The following PARP14 variants were observed in gnomAD, a reference collection of about 807,000 sequenced individuals.
The protein encoded by PARP14 is protein mono-ADP-ribosyltransferase PARP14.
A neutral mutation model predicts 154.2 loss-of-function variants in PARP14; 59 were observed. The observed-to-expected ratio is 0.38, with a 90% CI of 0.31 to 0.48. The LOEUF (loss-of-function observed/expected upper bound fraction) is 0.48, where lower values mean the gene tolerates loss of function less well. Among genes scored for constraint, PARP14 ranks in the 20% least tolerant of loss-of-function variants. PARP14 has a pLI of 0.98. For synonymous variants in PARP14, 720 were observed against 780.5 expected (o/e 0.92, Z 1.29); for missense variants, 1,734 against 2,131.6 (o/e 0.81, Z 3.67).
At chr3:122,725,560 C>T (rs1020017409) in intron 15 of PARP14, among the ~76,000 whole-genome samples, 3 of 152,104 alleles carry the variant, frequency 2.0e-5, no homozygotes, top group Admixed American at 1.3e-4. Flanking sequence ...AATTATCATA[C>T]CAAAATTATT....
At position 122,730,728 on chromosome 3, in the gene PARP14, A is replaced by G. The variant is rs1410256087; in HGVS notation, c.*2131A>G. ...AACTCAGGGCAAGGCTGAATATCAG[A>G]GTGTATCGCACTGAAGAATAATAAT... On this transcript the variant is annotated 3_prime_UTR_variant, in exon 17 of 17. Coordinates refer to ENST00000474629, the MANE Select transcript of PARP14 (RefSeq NM_017554.3). The G allele has an allele frequency of 1.3e-5, 2 of 152,652 alleles. No individual in the cohort carries two copies. Among genetic ancestry groups the G allele is most frequent in the Non-Finnish European group, 2.9e-5 (2 of 68,030 alleles). 9.5% of individuals were successfully genotyped at this position (152,652 alleles called of 1,614,324 possible).
intron 1 of PARP14, among the ~76,000 whole-genome samples, chr3:122,683,625 G>A (rs1266767975): frequency 6.6e-6 from 1 of 152,150 alleles, no homozygotes; most frequent in African/African-American, 2.4e-5. Context: ...TCTAAAGTTG[G>A]TGCAGGTGGA....
In PARP14 at chr3:122,706,739, GT is replaced by G. The variant is rs11328504; in HGVS notation, c.3541-1443del. ...TCTATCTTTAGCCAAGATGTTACTT[GT>G]TTTTTTTCCAACAAAATTATCTGTT... is the stretch of plus-strand genomic sequence containing the variant. On this transcript the variant is annotated intron_variant, in intron 8 of 16. Transcript: ENST00000474629. Among the ~76,000 whole-genome samples the G allele has an allele frequency of 3.2e-3, 471 of 149,254 alleles. 2 individuals are homozygous for G. The highest frequency in any genetic ancestry group is 0.011 in the African/African-American group (454 of 40,518).
At position 122,701,182 on chromosome 3, in the gene PARP14, C is replaced by T. The variant is rs375197249; in HGVS notation, c.2628C>T (p.His876=). The T allele has an allele frequency of 5.8e-5, 93 of 1,613,644 alleles. No individual in the cohort carries two copies. Among genetic ancestry groups the T allele is most frequent in the Middle Eastern group, 1.6e-4 (1 of 6,062 alleles). The change falls in exon 6 of 17, where the codon CAC becomes CAT. Residue 876 remains histidine (H), a synonymous_variant. Transcript: ENST00000474629. This position sits in a 1 kb window ranked among gnomAD's most constrained non-coding sequence, Gnocchi z 4.0. ...AGGCAGGAAAGCTGCCCTACCACCACGTGATCCATGCAGTGGGGCCCCGCT... is the reference window on the plus strand; with the variant it reads ...AGGCAGGAAAGCTGCCCTACCACCATGTGATCCATGCAGTGGGGCCCCGCT... ...ISKAGKLPYH[H]VIHAVGPRWS...
chr3:122,706,638 C>T (rs1279659465), intron 8 of PARP14, among the ~76,000 whole-genome samples: 1 of 152,124 alleles, frequency 6.6e-6, no homozygotes, highest in Non-Finnish European at 1.5e-5. Flanking sequence ...TGTGCCTTAC[C>T]TACCTGGCTC....
chr3:122,713,666 G>C lies in PARP14; in HGVS notation c.3769+93G>C, dbSNP rs966077935. On this transcript the variant is annotated intron_variant, in intron 10 of 16. Coordinates refer to ENST00000474629, the MANE Select transcript of PARP14 (RefSeq NM_017554.3). ...AAACTGGTTTTTAGAACTTTGGCTTGTTAATTAATAACTTTTAAATTATGC... is the reference window on the plus strand; with the variant it reads ...AAACTGGTTTTTAGAACTTTGGCTTCTTAATTAATAACTTTTAAATTATGC... 2.6e-6 allele frequency: 3 copies of C among 1,157,426 alleles called. No homozygotes were observed. The African/African-American group carries it at 4.6e-5, about 18-fold the overall frequency. The allele number at this position is 1,157,426 out of a possible 1,614,324, so 71.7% of individuals were successfully genotyped here.
Position 122,718,154 on chromosome 3 carries a change from T to G in PARP14, c.4084T>G (p.Ser1362Ala). The change falls in exon 13 of 17, where the codon TCT becomes GCT. Residue 1362 changes from serine to alanine, a missense_variant. Physicochemically the swap from Ser to Ala is moderately conservative, Grantham distance 99. Transcript: ENST00000474629. ...EDFVQKGSAQ[S>A]VKKVKVVIFL... Reference sequence around the variant, plus strand: ...CTTTGTCCAGAAAGGATCAGCCCAGTCTGTGAAAAAAGTTAAAGTTGTTAT... The same window carrying G: ...CTTTGTCCAGAAAGGATCAGCCCAGGCTGTGAAAAAAGTTAAAGTTGTTAT... The G allele has an allele frequency of 1.2e-6, 2 of 1,613,784 alleles. No homozygotes were observed. Among genetic ancestry groups the G allele is most frequent in the South Asian group, 2.2e-5 (2 of 91,066 alleles).
chr3:122,711,385 A>G (rs1379799660), intron 9 of PARP14, among the ~76,000 whole-genome samples: 1 of 152,170 alleles, frequency 6.6e-6, no homozygotes. Context: ...GTGATGTATC[A>G]TATTTATTGA....
intron 14 of PARP14, among the ~76,000 whole-genome samples, chr3:122,719,420 T>C (rs1388504954): frequency 6.6e-6 from 1 of 152,164 alleles, no homozygotes; most frequent in African/African-American, 2.4e-5. Flanking sequence ...CGGGAGCCTG[T>C]AGGAACTTCT....
Position 122,686,250 on chromosome 3 carries a change from C to A in PARP14, c.322-830C>A, listed in dbSNP as rs535149433. ...CTTGCTGCCTCCTTGACCTCCTGGG[C>A]TTAGGTGATCCTCCTACCTCAGCCT... On this transcript the variant is annotated intron_variant, in intron 2 of 16. Transcript: ENST00000474629. Among the ~76,000 whole-genome samples, 22 of 152,036 alleles carry A rather than the reference C, an allele frequency of 1.4e-4. No individual in the cohort carries two copies. In the East Asian group the frequency reaches 4.3e-3, roughly 30 times the overall value.
rs745508218 is a variant in PARP14 at position 122,695,696 on chromosome 3, T to C, written c.835+34T>C. ...TATTAACCTGTCATACCTGGCATAA[T>C]CTAGGCCATTATTAGCAGAGCTTAA... is the stretch of plus-strand genomic sequence containing the variant. On this transcript the variant is annotated intron_variant, in intron 5 of 16. Transcript: ENST00000474629. The C allele has an allele frequency of 1.1e-5, 11 of 976,938 alleles. No individual in the cohort carries two copies. The African/African-American group carries it at 1.8e-4, about 16-fold the overall frequency. The allele number at this position is 976,938 out of a possible 1,614,324, so 60.5% of individuals were successfully genotyped here.
At position 122,692,448 on chromosome 3, in the gene PARP14, T is replaced by G; in HGVS notation, c.503T>G (p.Leu168Ter). ...GTGACTGACATAATGCTAATCTTGT[T>G]AGTGGAGAACATAAGTGGCCTGTCT... is the stretch of plus-strand genomic sequence containing the variant. ...ANVTDIMLIL[L>*]VENISGLSND... The change falls in exon 4 of 17, where the codon TTA (leucine) becomes TGA (stop). Residue 168 changes from leucine to a stop codon, truncating the protein, a stop_gained. Transcript: ENST00000474629. LOFTEE classifies it high-confidence loss of function. The G allele has an allele frequency of 3.1e-6, 5 of 1,613,626 alleles. No individual in the cohort carries two copies. Among genetic ancestry groups the G allele is most frequent in the Non-Finnish European group, 4.2e-6 (5 of 1,179,596 alleles).
At chr3:122,693,371 G>A (rs540597409) in intron 4 of PARP14, among the ~76,000 whole-genome samples, 2 of 152,238 alleles carry the variant, frequency 1.3e-5, no homozygotes, top group East Asian at 1.9e-4. Context: ...GCAGTGGAGC[G>A]GTTAAGAGCA....
intron 15 of PARP14, among the ~76,000 whole-genome samples, chr3:122,725,871 C>T (rs1313441421): frequency 1.3e-5 from 2 of 151,924 alleles, no homozygotes; most frequent in African/African-American, 4.8e-5. Flanking sequence ...TTATCTTTTC[C>T]TGGTTTCTTT....
chr3:122,701,690 T>C lies in PARP14; in HGVS notation c.3081+55T>C. On this transcript the variant is annotated intron_variant, in intron 6 of 16. Coordinates refer to ENST00000474629, the MANE Select transcript of PARP14 (RefSeq NM_017554.3). This position sits in a 1 kb window ranked among gnomAD's most constrained non-coding sequence, Gnocchi z 4.0. ...GGGCACTGTGACTTTACTTAGTCAG[T>C]GGCTCTCTCATGGAGGGCTGAAGAA... 7.8e-7 allele frequency: 1 copy of C among 1,274,996 alleles called. No individual in the cohort carries two copies. Among genetic ancestry groups the C allele is most frequent in the South Asian group, 1.5e-5 (1 of 67,928 alleles). The allele number at this position is 1,274,996 out of a possible 1,614,324, so 79.0% of individuals were successfully genotyped here.
intron 7 of PARP14, 104 bp from the exon 8 acceptor site, chr3:122,704,423 C>A (rs1939083433): frequency 5.9e-6 from 4 of 678,614 alleles, no homozygotes; most frequent in Non-Finnish European, 1.0e-5. Flanking sequence ...GTGTTGACAG[C>A]AAAAAGGAGT....
chr3:122,728,420 A>G lies in PARP14; in HGVS notation c.5229A>G (p.Val1743=), dbSNP rs761718993. The change falls in exon 17 of 17, where the codon GTA becomes GTG. Residue 1743 remains valine (V), a synonymous_variant. Coordinates refer to ENST00000474629, the MANE Select transcript of PARP14 (RefSeq NM_017554.3). ...NGRKHVYYVR[V]LTGIYTHGNH... ...GAAAGCATGTGTATTATGTGCGAGT[A>G]CTTACTGGAATCTATACACATGGAA... 3.1e-6 allele frequency: 5 copies of G among 1,613,802 alleles called. No individual in the cohort carries two copies. The highest frequency in any genetic ancestry group is 1.3e-5 in the African/African-American group (1 of 74,932).
chr3:122,705,167 T>TA (rs974223419), intron 8 of PARP14, among the ~76,000 whole-genome samples: 14 of 152,344 alleles, frequency 9.2e-5, no homozygotes, highest in Middle Eastern at 3.4e-3. Flanking sequence ...CAATTCTTTT[T>TA]AAAAAAGTAA....
Position 122,729,186 on chromosome 3 carries a change from A to G in PARP14, c.*589A>G, listed in dbSNP as rs1030053151. On this transcript the variant is annotated 3_prime_UTR_variant, in exon 17 of 17. Coordinates refer to ENST00000474629, the MANE Select transcript of PARP14 (RefSeq NM_017554.3). ...AGGAACTATCTCTTTAACATTCTTG[A>G]CTCACTATCACTTTACCTCAAATTG... The G allele has an allele frequency of 1.3e-5, 2 of 152,956 alleles. No individual in the cohort carries two copies. The highest frequency in any genetic ancestry group is 3.8e-4 in the East Asian group (2 of 5,198). 9.5% of individuals were successfully genotyped at this position (152,956 alleles called of 1,614,324 possible).
Sources: gnomAD v4.1 joint callset for allele counts (sites outside exome capture counted in the v4.1 genomes callset) on GRCh38, gnomAD v4.1.1 for gene constraint, Gnocchi (gnomAD v3.1) non-coding constraint, MANE v1.5 for transcripts, NCBI Gene and HGNC (gene_info 2026-07-23, HGNC 2026-07-21) for gene names.